Variants in LRRC9 observed in about 807,000 individuals in gnomAD.
The protein encoded by LRRC9 is leucine rich repeat containing 9.
Under a neutral mutation model 63.2 loss-of-function variants are expected in LRRC9, and 122 were observed. The observed-to-expected ratio is 1.93, with a 90% CI of 1.67 to 2.24. The LOEUF (loss-of-function observed/expected upper bound fraction) is 2.24. LRRC9 is among the 30% of genes most tolerant of loss of function. The pLI is 0.00. For missense variants in LRRC9, 1,071 were observed against 627.7 expected (o/e 1.71, Z -7.55); for synonymous variants, 366 against 213.1 (o/e 1.72, Z -6.25).
intron 10 of LRRC9, among the ~76,000 whole-genome samples, chr14:59,963,512 A>T (rs1884548591): frequency 7.2e-6 from 1 of 138,758 alleles, no homozygotes; most frequent in Non-Finnish European, 1.6e-5. Flanking sequence ...ATTTACAACT[A>T]AAAAAAAAAA....
rs1891625182 is a variant in LRRC9, at chr14:60,027,186, A to G, written c.3704-698A>G. On this transcript the variant is annotated intron_variant, in intron 27 of 31. Coordinates refer to ENST00000445360, the Ensembl canonical transcript of LRRC9. This position sits in a 1 kb window ranked among gnomAD's most constrained non-coding sequence, Gnocchi z 4.0. Reference sequence around the variant, plus strand: ...AGCCACTTAATTTCTCTGACCCTCAATTTTCTGATTAGAAAAAAGAGATAA... The same window carrying G: ...AGCCACTTAATTTCTCTGACCCTCAGTTTTCTGATTAGAAAAAAGAGATAA... Among the ~76,000 whole-genome samples the G allele has an allele frequency of 6.6e-6, 1 of 151,972 alleles. No homozygotes were observed. The highest frequency in any genetic ancestry group is 1.9e-4 in the East Asian group (1 of 5,182).
chr14:60,065,647 CAA>C (rs60064309), downstream of LRRC9, among the ~76,000 whole-genome samples: 829 of 26,000 alleles, frequency 0.032, 99 homozygotes, highest in South Asian at 0.1. Context: ...GACTCCCTCT[CAA>C]AAAAAAAAAA....
At position 60,018,127 on chromosome 14, in the gene LRRC9, G is replaced by A. The variant is rs530527772; in HGVS notation, c.3318-244G>A. 1.1e-3 allele frequency among the ~76,000 whole-genome samples: 173 copies of A among 151,950 alleles called. 2 individuals carry two copies. In the Middle Eastern group the frequency reaches 0.017, roughly 15 times the overall value. ...TCTATAATAGTGCTATGTTTATATGGTAATAGATGTGTTTTTTTTGAAAGC... is the reference window on the plus strand; with the variant it reads ...TCTATAATAGTGCTATGTTTATATGATAATAGATGTGTTTTTTTTGAAAGC... On this transcript the variant is annotated intron_variant, in intron 24 of 31. Transcript: ENST00000445360.
At chr14:60,049,322 A>T (rs894440420) in intron 29 of LRRC9, among the ~76,000 whole-genome samples, 20 of 152,250 alleles carry the variant, frequency 1.3e-4, no homozygotes, top group African/African-American at 4.8e-4. Flanking sequence ...TATTTTGCAG[A>T]CTTGTTTATG....
rs1331508233 is a variant in LRRC9 at position 59,975,109 on chromosome 14, A to G, written c.1639+401A>G. Reference sequence around the variant, plus strand: ...GTAGTGTATATATATATACATATATATATGTATATATATATATGTATATAT... The same window carrying G: ...GTAGTGTATATATATATACATATATGTATGTATATATATATATGTATATAT... On this transcript the variant is annotated intron_variant, in intron 13 of 31. Coordinates refer to ENST00000445360, the Ensembl canonical transcript of LRRC9. Among the ~76,000 whole-genome samples the G allele has an allele frequency of 8.2e-5, 5 of 61,226 alleles. 1 individual carries two copies. The highest frequency in any genetic ancestry group is 3.7e-4 in the Admixed American group (2 of 5,428). 40.2% of individuals were successfully genotyped at this position (61,226 alleles called of 152,430 possible).
rs112041094 is a variant in LRRC9, at chr14:59,976,945, G to A, written c.1640-280G>A. ...TTTTAACTACTTAAAAAACCTTGCCGAATTAATGTGTTCTTTCCTTCTCCC... is the reference window on the plus strand; with the variant it reads ...TTTTAACTACTTAAAAAACCTTGCCAAATTAATGTGTTCTTTCCTTCTCCC... On this transcript the variant is annotated intron_variant, in intron 13 of 31. Coordinates refer to ENST00000445360, the Ensembl canonical transcript of LRRC9. Among the ~76,000 whole-genome samples, 460 of 152,284 alleles carry A rather than the reference G, an allele frequency of 3.0e-3. 3 individuals are homozygous for A. The highest frequency in any genetic ancestry group is 0.011 in the African/African-American group (438 of 41,566).
chr14:60,016,751 A>G (rs778228816), exon 24 of LRRC9: 6 of 699,588 alleles, frequency 8.6e-6, no homozygotes, highest in South Asian at 4.5e-5. Flanking sequence ...TCCAACTTCA[A>G]ACAAATGCAA....
intron 6 of LRRC9, among the ~76,000 whole-genome samples, chr14:59,933,244 C>G (rs1889858471): frequency 6.6e-6 from 1 of 152,170 alleles, no homozygotes; most frequent in South Asian, 2.1e-4. Flanking sequence ...TATCACAGTG[C>G]CACTGTTTCA....
intron 27 of LRRC9, among the ~76,000 whole-genome samples, chr14:60,025,902 G>T (rs1035898393): frequency 6.6e-6 from 1 of 151,920 alleles, no homozygotes; most frequent in Non-Finnish European, 1.5e-5. Flanking sequence ...ATAAATATTA[G>T]GACTTAGTGG....
rs527294902 is a variant in LRRC9 at position 60,050,675 on chromosome 14, T to C, written c.3991-2390T>C. Among the ~76,000 whole-genome samples the C allele has an allele frequency of 5.3e-5, 8 of 152,292 alleles. No homozygotes were observed. The South Asian group carries it at 1.2e-3, about 24-fold the overall frequency. On this transcript the variant is annotated intron_variant, in intron 29 of 31. Transcript: ENST00000445360. ...CTCTGGCTTTTTGTGTTTTCAATGT[T>C]TTTGCATTGATTTTTTTCTCATTTT...
rs1595035955 is a variant in LRRC9, at chr14:60,017,334, T to C, written c.3317+544T>C. Among the ~76,000 whole-genome samples the C allele has an allele frequency of 6.6e-6, 1 of 152,132 alleles. No individual in the cohort carries two copies. Among genetic ancestry groups the C allele is most frequent in the Non-Finnish European group, 1.5e-5 (1 of 68,002 alleles). On this transcript the variant is annotated intron_variant, in intron 24 of 31. Transcript: ENST00000445360. This position sits in a 1 kb window ranked among gnomAD's most constrained non-coding sequence, Gnocchi z 4.0. ...ACTGAATCTCAATCATAAGATGTTCTTTCATATTTGTTTCTCCCTTTGTTT... is the reference window on the plus strand; with the variant it reads ...ACTGAATCTCAATCATAAGATGTTCCTTCATATTTGTTTCTCCCTTTGTTT...
chr14:60,017,573 C>T lies in LRRC9; in HGVS notation c.3317+783C>T, dbSNP rs974464018. Among the ~76,000 whole-genome samples the T allele has an allele frequency of 6.6e-6, 1 of 152,010 alleles. No homozygotes were observed. The highest frequency in any genetic ancestry group is 6.6e-5 in the Admixed American group (1 of 15,218). Reference sequence around the variant, plus strand: ...CTCTTTATTTTTATTTTTCTGGCTCCCACTTCTTGGGGGCTGAAACATTTC... The same window carrying T: ...CTCTTTATTTTTATTTTTCTGGCTCTCACTTCTTGGGGGCTGAAACATTTC... On this transcript the variant is annotated intron_variant, in intron 24 of 31. Coordinates refer to ENST00000445360, the Ensembl canonical transcript of LRRC9. This position sits in a 1 kb window ranked among gnomAD's most constrained non-coding sequence, Gnocchi z 4.0.
chr14:60,049,831 A>G (rs1233076577), intron 29 of LRRC9, among the ~76,000 whole-genome samples: 1 of 152,130 alleles, frequency 6.6e-6, no homozygotes, highest in African/African-American at 2.4e-5. Context: ...GTTCTCCTAG[A>G]TAATATCCTG....
intron 29 of LRRC9, among the ~76,000 whole-genome samples, chr14:60,047,740 G>A (rs1367980060): frequency 6.6e-6 from 1 of 152,150 alleles, no homozygotes; most frequent in Non-Finnish European, 1.5e-5. Context: ...AGATCATTGA[G>A]ACAGAAAATT....
At chr14:59,983,645 TTAGTATGCCTAGAATA>T (rs1408030971) in intron 16 of LRRC9, among the ~76,000 whole-genome samples, 18 of 152,128 alleles carry the variant, frequency 1.2e-4, no homozygotes, top group African/African-American at 3.9e-4. Context: ...ACTGAAAAAT[TTAGTATGCCTAGAATA>T]TAGTGTTACA....
chr14:60,027,755 A>C lies in LRRC9; in HGVS notation c.3704-129A>C, dbSNP rs1395860507. 1 of 530,960 alleles carries C rather than the reference A, an allele frequency of 1.9e-6. No individual in the cohort carries two copies. The highest frequency in any genetic ancestry group is 1.9e-5 in the African/African-American group (1 of 52,258). The allele number at this position is 530,960 out of a possible 1,614,324, so 32.9% of individuals were successfully genotyped here. ...AATTACATTTCAATTTCTCTTTGGA[A>C]ATAAGTTTCTTGAATCCTTTACTTC... is the stretch of plus-strand genomic sequence containing the variant. On this transcript the variant is annotated intron_variant, in intron 27 of 31. Transcript: ENST00000445360. This position sits in a 1 kb window ranked among gnomAD's most constrained non-coding sequence, Gnocchi z 4.0.
In LRRC9 at chr14:60,029,764, T is replaced by C. The variant is rs543862181; in HGVS notation, c.3921+1663T>C. Among the ~76,000 whole-genome samples the C allele has an allele frequency of 7.9e-5, 12 of 152,250 alleles. 1 individual carries two copies. The highest frequency in any genetic ancestry group is 2.6e-4 in the African/African-American group (11 of 41,578). On this transcript the variant is annotated intron_variant, in intron 28 of 31. Coordinates refer to ENST00000445360, the Ensembl canonical transcript of LRRC9. ...TAATATAGCTAAATGACAAATTATA[T>C]ATCATGAGAGATTCTACATATCATT... is the stretch of plus-strand genomic sequence containing the variant.
At chr14:60,061,561 G>A (rs1894661044) in intron 31 of LRRC9, among the ~76,000 whole-genome samples, 1 of 152,162 alleles carries the variant, frequency 6.6e-6, no homozygotes, top group Admixed American at 6.5e-5. Context: ...ACCAAAAAAT[G>A]TGTGTGACTC....
At chr14:60,063,565 G>T, downstream of LRRC9, 2 of 449,300 alleles carry the variant, frequency 4.5e-6, no homozygotes, top group Admixed American at 4.0e-5. Flanking sequence ...CTTTCTTTAT[G>T]GTTATCTTTA....
Sources: gnomAD v4.1 joint callset for allele counts (sites outside exome capture counted in the v4.1 genomes callset) on GRCh38, gnomAD v4.1.1 for gene constraint, Gnocchi (gnomAD v3.1) non-coding constraint, MANE v1.5 for transcripts, NCBI Gene and HGNC (gene_info 2026-07-23, HGNC 2026-07-21) for gene names.